WDR1: variants seen among roughly 807,000 people sequenced by gnomAD.
WDR1 encodes the protein WD repeat domain 1, also known as WD repeat-containing protein 1.
Under a neutral mutation model 71.9 loss-of-function variants are expected in WDR1, and 21 were observed. That is an observed-to-expected ratio of 0.29 (90% CI 0.21 to 0.42). The LOEUF is 0.42. WDR1 is among the 10% of genes least tolerant of loss of function. WDR1 has a pLI of 1.00. For synonymous variants in WDR1, 424 were observed against 347.4 expected, an observed-to-expected ratio of 1.22 and a Z score of -2.45; for missense variants, 696 against 824.5, an observed-to-expected ratio of 0.84 and a Z score of 1.91.
intron 2 of WDR1, 107 bp downstream of exon 2, chr4:10,116,006 C>A: frequency 6.8e-7 from 1 of 1,463,558 alleles, no homozygotes; most frequent in Non-Finnish European, 9.2e-7. Context: ...GGCGCCCTCA[C>A]CCTCCCCGGG....
At chr4:10,106,987 C>T (rs1275445934) in intron 2 of WDR1, among the ~76,000 whole-genome samples, 3 of 152,184 alleles carry the variant, frequency 2.0e-5, no homozygotes, top group Non-Finnish European at 4.4e-5. Context: ...TCCTCCCCCT[C>T]CTTCCATCTT....
At chr4:10,080,231 C>G (rs968527477) in intron 11 of WDR1, among the ~76,000 whole-genome samples, 1 of 152,216 alleles carries the variant, frequency 6.6e-6, no homozygotes, top group African/African-American at 2.4e-5. Flanking sequence ...ATGACCACAA[C>G]TTTACAGATG....
At chr4:10,077,541 G>A in intron 13 of WDR1, 93 bp from the exon 14 acceptor site, 1 of 1,577,302 alleles carries the variant, frequency 6.3e-7, no homozygotes, top group East Asian at 2.2e-5. Flanking sequence ...CGACAATAAG[G>A]ACCGAGGTTT....
chr4:10,080,098 G>C (rs1487375172), intron 11 of WDR1, among the ~76,000 whole-genome samples: 2 of 152,192 alleles, frequency 1.3e-5, no homozygotes, highest in Non-Finnish European at 2.9e-5. Flanking sequence ...GAGGTGCAGA[G>C]ACCTGGAGCC....
chr4:10,084,661 C>T (rs1432020783), intron 8 of WDR1, 131 bp from the exon 9 acceptor site: 19 of 810,268 alleles, frequency 2.3e-5, no homozygotes, highest in African/African-American at 1.7e-4. Flanking sequence ...AGTGCAGGTG[C>T]TCTGAGGCCC....
rs1713761503 is a variant in WDR1 at position 10,116,662 on chromosome 4, G to A, written c.5C>T (p.Pro2Leu). 7.4e-7 allele frequency: 1 copy of A among 1,344,524 alleles called. No individual in the cohort carries two copies. Among genetic ancestry groups the A allele is most frequent in the Non-Finnish European group, 9.6e-7 (1 of 1,040,454 alleles). 83.3% of individuals were successfully genotyped at this position (1,344,524 alleles called of 1,614,324 possible). The change falls in exon 1 of 15, where the codon CCG (proline) becomes CTG (leucine). Residue 2 changes from proline to leucine, a missense_variant. Coordinates refer to ENST00000499869, the MANE Select transcript of WDR1 (RefSeq NM_017491.5). ...GCCGCGGCACTTACTGATCTCGTAC[G>A]GCATCCTCGCCCACTTGTTACCGCG... M[P>L]YEIKKVFASL...
At chr4:10,082,974 G>A (rs1265670272) in intron 10 of WDR1, 48 bp downstream of exon 10, 1 of 1,571,244 alleles carries the variant, frequency 6.4e-7, no homozygotes. Flanking sequence ...AGCCCTCCGA[G>A]GGGAGCTGAG....
chr4:10,095,218 G>A (rs560368210), intron 5 of WDR1, among the ~76,000 whole-genome samples: 4 of 152,378 alleles, frequency 2.6e-5, no homozygotes, highest in East Asian at 1.9e-4. Flanking sequence ...AGACTCAGCC[G>A]TCATGTGCTG....
intron 3 of WDR1, among the ~76,000 whole-genome samples, chr4:10,099,750 G>T (rs1712575230): frequency 6.6e-6 from 1 of 152,258 alleles, no homozygotes; most frequent in African/African-American, 2.4e-5. Context: ...CTGCTGCCTG[G>T]CAAATCAGCA....
intron 3 of WDR1, among the ~76,000 whole-genome samples, chr4:10,103,089 C>T (rs1712777672): frequency 6.6e-6 from 1 of 152,160 alleles, no homozygotes; most frequent in Non-Finnish European, 1.5e-5. Flanking sequence ...GAGGAAAGAT[C>T]TCTCCACCCC....
chr4:10,078,656 C>T (rs1400880923), intron 12 of WDR1: 4 of 472,872 alleles, frequency 8.5e-6, no homozygotes, highest in African/African-American at 8.2e-5. Flanking sequence ...GTCTTGTGGG[C>T]ACCCGGGCAG....
rs79540976 is a variant in WDR1, at chr4:10,085,510, G to A, written c.952-980C>T. On this transcript the variant is annotated intron_variant, in intron 8 of 14. Coordinates refer to ENST00000499869, the MANE Select transcript of WDR1 (RefSeq NM_017491.5). ...TGGCATCCCACCAGTCCCTTACAGC[G>A]CGGACCTCAGACCAGCACAGCCCCC... 5.0e-3 allele frequency among the ~76,000 whole-genome samples: 757 copies of A among 152,306 alleles called. 9 individuals carry two copies. The highest frequency in any genetic ancestry group is 0.017 in the African/African-American group (707 of 41,560).
intron 9 of WDR1, among the ~76,000 whole-genome samples, chr4:10,083,789 A>C (rs1765105539): frequency 6.6e-6 from 1 of 152,352 alleles, no homozygotes; most frequent in Middle Eastern, 3.4e-3. Context: ...CACCAGCCCC[A>C]GGCCATGCAG....
chr4:10,114,711 C>G (rs1270450634), intron 2 of WDR1, among the ~76,000 whole-genome samples: 1 of 152,208 alleles, frequency 6.6e-6, no homozygotes, highest in Non-Finnish European at 1.5e-5. Context: ...CAGATCATTA[C>G]CATTAGATCC....
At chr4:10,100,388 G>C (rs901850444) in intron 3 of WDR1, among the ~76,000 whole-genome samples, 1 of 152,210 alleles carries the variant, frequency 6.6e-6, no homozygotes, top group Non-Finnish European at 1.5e-5. Flanking sequence ...GAGTTAACAC[G>C]TGCGAAGTCT....
intron 5 of WDR1, among the ~76,000 whole-genome samples, chr4:10,090,467 G>A (rs546237107): frequency 3.3e-5 from 5 of 152,302 alleles, no homozygotes; most frequent in South Asian, 2.1e-4. Context: ...GGCAGTTCTC[G>A]TAGAGAGGCC....
At chr4:10,082,089 G>A (rs778816489) in intron 10 of WDR1, among the ~76,000 whole-genome samples, 6 of 152,214 alleles carry the variant, frequency 3.9e-5, no homozygotes, top group Non-Finnish European at 8.8e-5. Context: ...ACCCTTTTAT[G>A]GGACGTGTTA....
chr4:10,077,485 A>C (rs764562569), intron 13 of WDR1, 37 bp from the exon 14 acceptor site: 56 of 1,613,472 alleles, frequency 3.5e-5, no homozygotes, highest in Non-Finnish European at 4.7e-5. Flanking sequence ...GTGGCAGGTC[A>C]GGTTCAGGCC....
chr4:10,116,261 A>T (rs1038392852), intron 1 of WDR1, 27 bp from the exon 2 acceptor site: 8 of 1,612,596 alleles, frequency 5.0e-6, no homozygotes, highest in Non-Finnish European at 6.8e-6. Context: ...GCGGCGGGGC[A>T]TGTCAGGGCA....
Sources: gnomAD v4.1 joint callset for allele counts (sites outside exome capture counted in the v4.1 genomes callset) on GRCh38, gnomAD v4.1.1 for gene constraint, MANE v1.5 for transcripts, NCBI Gene and HGNC (gene_info 2026-07-23, HGNC 2026-07-21) for gene names.